Variants in FAF1 observed in about 807,000 individuals in gnomAD.
FAF1 encodes Fas associated factor 1, also known as FAS-associated factor 1.
FAF1 carries 25 observed loss-of-function variants against 92.5 expected under a neutral mutation model. The observed-to-expected ratio is 0.27, with a 90% CI of 0.20 to 0.38. FAF1 has a LOEUF of 0.38. FAF1 is among the 10% of genes least tolerant of loss of function. The pLI, the probability that FAF1 is intolerant of heterozygous loss-of-function variation, is 1.00. For missense variants in FAF1, 636 were observed against 793.3 expected (o/e 0.80, Z 2.38); for synonymous variants, 234 against 273.2 (o/e 0.86, Z 1.42).
intron 6 of FAF1, among the ~76,000 whole-genome samples, chr1:50,706,280 C>T (rs1657671655): frequency 6.6e-6 from 1 of 151,644 alleles, no homozygotes; most frequent in South Asian, 2.1e-4. Flanking sequence ...AACAGCTGTT[C>T]TAGAATAACA....
Position 50,596,112 on chromosome 1 carries a change from C to T in FAF1, c.840+9G>A, listed in dbSNP as rs1397321988. 1 of 1,605,054 alleles carries T rather than the reference C, an allele frequency of 6.2e-7. No homozygotes were observed. Among genetic ancestry groups the T allele is most frequent in the Non-Finnish European group, 8.5e-7 (1 of 1,174,308 alleles). On this transcript the variant is annotated intron_variant, in intron 9 of 18. Transcript: ENST00000396153. ...TTCTGTTCAAAGAAAAGCTGGCAAA[C>T]AGGCTTACTTCTTCCGACTGTTCCC...
chr1:50,487,720 T>A (rs1646784276), intron 17 of FAF1, among the ~76,000 whole-genome samples: 1 of 152,196 alleles, frequency 6.6e-6, no homozygotes, highest in Admixed American at 6.5e-5. Context: ...GTTCAATACT[T>A]CTTTTTTCTA....
chr1:50,904,763 C>G (rs1469746871), intron 1 of FAF1, among the ~76,000 whole-genome samples: 2 of 151,998 alleles, frequency 1.3e-5, no homozygotes, highest in Admixed American at 1.3e-4. Context: ...GTATTTTGAG[C>G]AAAGATGAAC....
chr1:50,605,748 G>A (rs184130322), intron 8 of FAF1, among the ~76,000 whole-genome samples: 1 of 152,154 alleles, frequency 6.6e-6, no homozygotes, highest in Non-Finnish European at 1.5e-5. Context: ...GGGTGAGGGG[G>A]AAAGAGAGAT....
Position 50,928,714 on chromosome 1 carries a change from T to C in FAF1, c.45+31053A>G, listed in dbSNP as rs906962415. On this transcript the variant is annotated intron_variant, in intron 1 of 18. Coordinates refer to ENST00000396153, the MANE Select transcript of FAF1 (RefSeq NM_007051.3). ...AAGAGAATCGCTTGAACCTGGGAGGTGGAGGTTGCACTGAACCGAAATCAC... is the reference window on the plus strand; with the variant it reads ...AAGAGAATCGCTTGAACCTGGGAGGCGGAGGTTGCACTGAACCGAAATCAC... 7.3e-4 allele frequency among the ~76,000 whole-genome samples: 95 copies of C among 129,816 alleles called. 1 individual carries two copies. Among genetic ancestry groups the C allele is most frequent in the Admixed American group, 1.3e-3 (14 of 10,976 alleles). The allele number at this position is 129,816 out of a possible 152,430, so 85.2% of individuals were successfully genotyped here.
intron 1 of FAF1, among the ~76,000 whole-genome samples, chr1:50,950,710 C>G (rs1019353915): frequency 6.6e-6 from 1 of 152,236 alleles, no homozygotes; most frequent in African/African-American, 2.4e-5. Flanking sequence ...CCTGTGAACA[C>G]AGAAGCATGG....
At chr1:50,921,439 G>A (rs1032825999) in intron 1 of FAF1, among the ~76,000 whole-genome samples, 3 of 152,232 alleles carry the variant, frequency 2.0e-5, no homozygotes, top group Non-Finnish European at 4.4e-5. Context: ...ACATCTGGAA[G>A]TGAAAGAATA....
At chr1:50,926,072 C>T (rs912455906) in intron 1 of FAF1, among the ~76,000 whole-genome samples, 14 of 151,980 alleles carry the variant, frequency 9.2e-5, no homozygotes, top group African/African-American at 3.4e-4. Flanking sequence ...AACAAGTTAG[C>T]CAGATGTGGT....
chr1:50,711,442 G>A (rs1657923622), intron 6 of FAF1, among the ~76,000 whole-genome samples: 1 of 146,544 alleles, frequency 6.8e-6, no homozygotes, highest in African/African-American at 2.5e-5. Context: ...TGTATATTGT[G>A]CCTAATGTTA....
chr1:50,674,505 A>T (rs989818923), intron 7 of FAF1, among the ~76,000 whole-genome samples: 11 of 152,202 alleles, frequency 7.2e-5, no homozygotes, highest in African/African-American at 2.7e-4. Context: ...ACTCAAAGGG[A>T]TATTTCAGAG....
intron 6 of FAF1, among the ~76,000 whole-genome samples, chr1:50,730,358 AG>A (rs1658865942): frequency 6.6e-6 from 1 of 151,686 alleles, no homozygotes; most frequent in South Asian, 2.1e-4. Flanking sequence ...TGTAGTTTTA[AG>A]TCCCTTTTTT....
intron 9 of FAF1, among the ~76,000 whole-genome samples, chr1:50,585,999 G>A (rs1651215292): frequency 6.6e-6 from 1 of 151,988 alleles, no homozygotes. Context: ...GTTGCAGTGA[G>A]CCTTGTTTGC....
intron 15 of FAF1, among the ~76,000 whole-genome samples, chr1:50,492,351 A>G (rs983868303): frequency 6.6e-6 from 1 of 152,100 alleles, no homozygotes; most frequent in Admixed American, 6.6e-5. Context: ...ACCACACCAC[A>G]CCACTAAAGC....
chr1:50,630,715 G>A (rs1176298794), intron 8 of FAF1, among the ~76,000 whole-genome samples: 1 of 150,674 alleles, frequency 6.6e-6, no homozygotes. Context: ...ATTGAAAAGT[G>A]TATCATATAA....
intron 1 of FAF1, among the ~76,000 whole-genome samples, chr1:50,933,545 C>A (rs995129005): frequency 6.6e-6 from 1 of 152,222 alleles, no homozygotes; most frequent in Non-Finnish European, 1.5e-5. Context: ...AGCCATTCGA[C>A]AAGTCTCTAG....
chr1:50,469,627 C>T (rs187086538), intron 18 of FAF1: 5 of 152,040 alleles, frequency 3.3e-5, no homozygotes, highest in African/African-American at 4.8e-5. Context: ...TCATCAAAGC[C>T]GTTTAAAAAA....
intron 1 of FAF1, among the ~76,000 whole-genome samples, chr1:50,899,916 T>C (rs1457091354): frequency 6.6e-6 from 1 of 152,200 alleles, no homozygotes; most frequent in African/African-American, 2.4e-5. Flanking sequence ...AGGGTGCCCA[T>C]TTATTTATTT....
intron 6 of FAF1, among the ~76,000 whole-genome samples, chr1:50,727,597 T>C (rs2124466431): frequency 6.6e-6 from 1 of 152,280 alleles, no homozygotes; most frequent in African/African-American, 2.4e-5. Context: ...AGACAACAAA[T>C]ATGAATATAA....
In FAF1 at chr1:50,751,344, G is replaced by C. The variant is rs149397656; in HGVS notation, c.368-6569C>G. ...AGCATTTCTATTTGTTTGATTGTTT[G>C]TTTGTTTTGAGATGGAGTCTCACTT... On this transcript the variant is annotated intron_variant, in intron 4 of 18. Coordinates refer to ENST00000396153, the MANE Select transcript of FAF1 (RefSeq NM_007051.3). Among the ~76,000 whole-genome samples, 115 of 152,094 alleles carry C rather than the reference G, an allele frequency of 7.6e-4. 1 individual carries two copies. The highest frequency in any genetic ancestry group is 2.7e-3 in the African/African-American group (111 of 41,524).
Sources: gnomAD v4.1 joint callset for allele counts (sites outside exome capture counted in the v4.1 genomes callset) on GRCh38, gnomAD v4.1.1 for gene constraint, MANE v1.5 for transcripts, NCBI Gene and HGNC (gene_info 2026-07-23, HGNC 2026-07-21) for gene names.